The following TNR variants were observed in gnomAD, a reference collection of about 807,000 sequenced individuals.
TNR encodes tenascin R, also known as tenascin-R.
Under a neutral mutation model 150.4 loss-of-function variants are expected in TNR, and 45 were observed. The ratio of observed to expected loss-of-function variants is 0.30; its 90% CI spans 0.24 to 0.38. The LOEUF (loss-of-function observed/expected upper bound fraction) is 0.38, where lower values mean the gene tolerates loss of function less well. TNR is among the 10% of genes least tolerant of loss of function. TNR has a pLI of 1.00. For missense variants in TNR, 1,544 were observed against 1,759.1 expected, an observed-to-expected ratio of 0.88 and a Z score of 2.19; for synonymous variants, 687 against 678.4, an observed-to-expected ratio of 1.01 and a Z score of -0.20.
chr1:175,446,686 A>T (rs1014016321), intron 2 of TNR, among the ~76,000 whole-genome samples: 11 of 152,180 alleles, frequency 7.2e-5, no homozygotes, highest in African/African-American at 2.2e-4. Context: ...GTATAATTTT[A>T]AAAAAAGCAA....
intron 1 of TNR, among the ~76,000 whole-genome samples, chr1:175,661,330 C>T (rs1285616583): frequency 6.6e-6 from 1 of 152,194 alleles, no homozygotes. Flanking sequence ...GAATTCTTAA[C>T]CCCAGAGCTT....
chr1:175,735,617 C>G (rs994809493), intron 1 of TNR, among the ~76,000 whole-genome samples: 11 of 152,184 alleles, frequency 7.2e-5, no homozygotes, highest in African/African-American at 2.4e-4. Flanking sequence ...AAACTCAAGC[C>G]TTTGAAATTG....
At chr1:175,640,791 G>GTA (rs59240572) in intron 1 of TNR, among the ~76,000 whole-genome samples, 2,371 of 143,470 alleles carry the variant, frequency 0.017, 31 homozygotes, top group African/African-American at 0.036. Flanking sequence ...GTGTGTGTGG[G>GTA]TATATATATA....
intron 2 of TNR, among the ~76,000 whole-genome samples, chr1:175,443,141 T>A (rs574890967): frequency 2.9e-4 from 44 of 152,346 alleles, no homozygotes; most frequent in Admixed American, 9.1e-4. Flanking sequence ...GTCATTTGAC[T>A]TTTTCTGCCA....
intron 2 of TNR, among the ~76,000 whole-genome samples, chr1:175,477,621 A>T (rs1657602129): frequency 6.6e-6 from 1 of 152,246 alleles, no homozygotes; most frequent in African/African-American, 2.4e-5. Flanking sequence ...AATCATACAA[A>T]TATGAGACCC....
chr1:175,616,925 AG>A (rs1476999909), intron 1 of TNR, among the ~76,000 whole-genome samples: 5 of 152,190 alleles, frequency 3.3e-5, no homozygotes, highest in African/African-American at 1.2e-4. Context: ...ATAATTTCGA[AG>A]ATGCCTTCCA....
In TNR at chr1:175,316,049, GA is replaced by G. The variant is rs1472807934; in HGVS notation, c.*7307del. On this transcript the variant is annotated 3_prime_UTR_variant, in exon 23 of 23. Transcript: ENST00000367674. ...TGCTGCCCAAGCAGCCCCCACACTG[GA>G]ATGGAACCAGTGTTCTGGGGTTCTT... 1 of 152,222 alleles carries G rather than the reference GA, an allele frequency of 6.6e-6. No homozygotes were observed. The highest frequency in any genetic ancestry group is 1.5e-5 in the Non-Finnish European group (1 of 68,044). The allele number at this position is 152,222 out of a possible 1,614,324, so 9.4% of individuals were successfully genotyped here. A position where few individuals can be genotyped will look rare whatever the true frequency, so the allele number is the denominator to read the frequency against.
At chr1:175,324,542 A>G (rs1320985953) in intron 21 of TNR, 23 bp from the exon 22 acceptor site, 1 of 1,610,040 alleles carries the variant, frequency 6.2e-7, no homozygotes, top group African/African-American at 1.3e-5. Flanking sequence ...TACATTCATT[A>G]GGCTGTCCCA....
At chr1:175,378,949 G>A (rs1038651204) in intron 9 of TNR, among the ~76,000 whole-genome samples, 1 of 152,230 alleles carries the variant, frequency 6.6e-6, no homozygotes, top group African/African-American at 2.4e-5. Flanking sequence ...AGAAGCCGAG[G>A]TGGGCGGATC....
At chr1:175,473,315 A>T (rs994741620) in intron 2 of TNR, among the ~76,000 whole-genome samples, 1 of 152,182 alleles carries the variant, frequency 6.6e-6, no homozygotes, top group African/African-American at 2.4e-5. Context: ...ATCACATCAA[A>T]TGCATGCACA....
At chr1:175,553,085 C>T (rs941380459) in intron 1 of TNR, among the ~76,000 whole-genome samples, 1 of 152,304 alleles carries the variant, frequency 6.6e-6, no homozygotes, top group South Asian at 2.1e-4. Flanking sequence ...ACATGAAATA[C>T]ATCACTGAAG....
intron 15 of TNR, among the ~76,000 whole-genome samples, chr1:175,357,933 C>T (rs1391251539): frequency 6.6e-6 from 1 of 152,182 alleles, no homozygotes; most frequent in Non-Finnish European, 1.5e-5. Context: ...GTTCATTGCT[C>T]TGTTAGAGCT....
In TNR at chr1:175,365,264, GA is replaced by G; in HGVS notation, c.2332del (p.Ser778LeufsTer8). 1 of 1,608,756 alleles carries G rather than the reference GA, an allele frequency of 6.2e-7. No individual in the cohort carries two copies. The highest frequency in any genetic ancestry group is 8.5e-7 in the Non-Finnish European group (1 of 1,176,444). On this transcript the variant is annotated frameshift_variant, in exon 12 of 23. Transcript: ENST00000367674. LOFTEE classifies it high-confidence loss of function. ...GGTCACATGAGAAAAGTGCAGATGAGAGATGGGACGGAAGCCTGCAAAGCAA... is the reference window on the plus strand; with the variant it reads ...GGTCACATGAGAAAAGTGCAGATGAGGATGGGACGGAAGCCTGCAAAGCAA... ...VDAFTGFRPI[S>X]HLHFSHVTSS...
In TNR at chr1:175,545,640, C is replaced by T. The variant is rs563230193; in HGVS notation, c.-164-17271G>A. Among the ~76,000 whole-genome samples the T allele has an allele frequency of 1.6e-3, 244 of 152,220 alleles. 1 individual carries two copies. Among genetic ancestry groups the T allele is most frequent in the Non-Finnish European group, 2.9e-4 (20 of 68,022 alleles). Reference sequence around the variant, plus strand: ...TAAGTGTCTGGCACTGCTTTGATTGCCTTGCATGTATTAATTTATTTGATC... The same window carrying T: ...TAAGTGTCTGGCACTGCTTTGATTGTCTTGCATGTATTAATTTATTTGATC... On this transcript the variant is annotated intron_variant, in intron 1 of 22. Coordinates refer to ENST00000367674, the MANE Select transcript of TNR (RefSeq NM_003285.3).
chr1:175,444,996 C>T (rs866678173), intron 2 of TNR, among the ~76,000 whole-genome samples: 28 of 152,108 alleles, frequency 1.8e-4, no homozygotes, highest in African/African-American at 5.8e-4. Flanking sequence ...GGCAGCCGGG[C>T]GCGGTGGCTC....
chr1:175,567,433 T>A (rs1053649555), intron 1 of TNR, among the ~76,000 whole-genome samples: 8 of 152,132 alleles, frequency 5.3e-5, no homozygotes, highest in African/African-American at 1.7e-4. Context: ...AGGACTGTGA[T>A]GATTGACTTG....
At chr1:175,510,209 A>T (rs1355718190) in intron 2 of TNR, among the ~76,000 whole-genome samples, 1 of 152,210 alleles carries the variant, frequency 6.6e-6, no homozygotes, top group South Asian at 2.1e-4. Flanking sequence ...AGCCCGGATG[A>T]CAGAGCAAGA....
chr1:175,395,566 A>G (rs1049405213), intron 5 of TNR, among the ~76,000 whole-genome samples: 2 of 151,226 alleles, frequency 1.3e-5, no homozygotes, highest in African/African-American at 4.9e-5. Flanking sequence ...CCCCTTTTTC[A>G]TGATCTCTCC....
At chr1:175,532,233 C>G (rs1174760874) in intron 1 of TNR, among the ~76,000 whole-genome samples, 1 of 152,324 alleles carries the variant, frequency 6.6e-6, no homozygotes, top group African/African-American at 2.4e-5. Context: ...GCCCAATACC[C>G]CAAAGTATGG....
Sources: allele counts gnomAD v4.1 joint callset (sites outside exome capture counted in the v4.1 genomes callset), GRCh38; gene constraint gnomAD v4.1.1; transcripts MANE v1.5; gene names NCBI Gene and HGNC (gene_info 2026-07-23, HGNC 2026-07-21).